The following SCN2A variants were observed in gnomAD, a reference collection of about 807,000 sequenced individuals.
SCN2A encodes sodium voltage-gated channel alpha subunit 2.
A neutral mutation model predicts 188.7 loss-of-function variants in SCN2A; 20 were observed. The observed-to-expected ratio is 0.11, with a 90% CI of 0.07 to 0.15. The LOEUF (loss-of-function observed/expected upper bound fraction) is 0.15. Ranked by LOEUF, SCN2A falls within the 10% of genes least tolerant of loss-of-function variation. The pLI is 1.00. For missense variants in SCN2A, 1,278 were observed against 2,445.0 expected (o/e 0.52, Z 10.07); for synonymous variants, 804 against 833.1 (o/e 0.97, Z 0.60).
chr2:165,278,542 C>A (rs1695444403), intron 1 of SCN2A, among the ~76,000 whole-genome samples: 1 of 152,124 alleles, frequency 6.6e-6, no homozygotes, highest in Non-Finnish European at 1.5e-5. Flanking sequence ...CCTAGTCTCT[C>A]CCTTGACACT....
chr2:165,384,098 T>G (rs909569560), intron 25 of SCN2A, among the ~76,000 whole-genome samples: 2 of 152,010 alleles, frequency 1.3e-5, no homozygotes, highest in Non-Finnish European at 2.9e-5. Context: ...CTAGGGTAGC[T>G]TTAGAAAGAA....
chr2:165,263,355 G>C (rs1171667305), intron 1 of SCN2A, among the ~76,000 whole-genome samples: 1 of 152,006 alleles, frequency 6.6e-6, no homozygotes, highest in Non-Finnish European at 1.5e-5. Context: ...GAAGTTTTAT[G>C]GCTTCAGGTC....
At chr2:165,300,604 A>C (rs1044885330) in intron 3 of SCN2A, among the ~76,000 whole-genome samples, 1 of 152,190 alleles carries the variant, frequency 6.6e-6, no homozygotes, top group Non-Finnish European at 1.5e-5. Flanking sequence ...CAAGGAGAAC[A>C]GCAAGTATGA....
intron 1 of SCN2A, chr2:165,241,130 CTGTG>C (rs1693601410): frequency 7.1e-6 from 1 of 141,430 alleles, no homozygotes; most frequent in Non-Finnish European, 1.6e-5. Flanking sequence ...ATGATATTCA[CTGTG>C]CGTGTGTGTG....
intron 1 of SCN2A, among the ~76,000 whole-genome samples, chr2:165,265,317 C>G (rs1006823896): frequency 4.7e-5 from 7 of 148,332 alleles, no homozygotes; most frequent in Non-Finnish European, 1.0e-4. Context: ...CTGTTCATGT[C>G]CATTGGCCAC....
chr2:165,264,255 A>G (rs1313544027), intron 1 of SCN2A, among the ~76,000 whole-genome samples: 3 of 152,168 alleles, frequency 2.0e-5, no homozygotes, highest in East Asian at 3.9e-4. Flanking sequence ...ATAATCCACT[A>G]TGATCAAGTG....
intron 17 of SCN2A, among the ~76,000 whole-genome samples, chr2:165,363,837 A>G (rs1559390257): frequency 6.6e-6 from 1 of 152,154 alleles, no homozygotes; most frequent in Non-Finnish European, 1.5e-5. Flanking sequence ...CAAAGCAGGC[A>G]GAAGTATCTA....
intron 1 of SCN2A, among the ~76,000 whole-genome samples, chr2:165,242,708 C>A (rs1163081549): frequency 6.6e-6 from 1 of 152,000 alleles, no homozygotes; most frequent in African/African-American, 2.4e-5. Context: ...AAAACCTAAG[C>A]CCTTTGTAGA....
At position 165,255,486 on chromosome 2, in the gene SCN2A, G is replaced by A. The variant is rs948797029; in HGVS notation, c.-52+15846G>A. 1.8e-4 allele frequency among the ~76,000 whole-genome samples: 27 copies of A among 151,782 alleles called. No homozygotes were observed. In the South Asian group the frequency reaches 5.6e-3, roughly 32 times the overall value. On this transcript the variant is annotated intron_variant, in intron 1 of 26. Transcript: ENST00000375437. ...ATTATTTTATAACCTTACTAACCAC[G>A]ATTATTAAAATATGGCTCTATGGTT... is the stretch of plus-strand genomic sequence containing the variant.
At chr2:165,340,399 G>A (rs1013345590) in intron 14 of SCN2A, among the ~76,000 whole-genome samples, 4 of 152,276 alleles carry the variant, frequency 2.6e-5, no homozygotes, top group Admixed American at 6.5e-5. Flanking sequence ...AGACTGTCAG[G>A]TCTCTGAGGT....
At chr2:165,322,844 G>A (rs1311150992) in intron 11 of SCN2A, among the ~76,000 whole-genome samples, 5 of 152,140 alleles carry the variant, frequency 3.3e-5, no homozygotes, top group Non-Finnish European at 5.9e-5. Flanking sequence ...AGTTCTAGAT[G>A]CCCGTAACAG....
intron 6 of SCN2A, among the ~76,000 whole-genome samples, chr2:165,310,122 G>T (rs1340282853): frequency 6.6e-6 from 1 of 152,060 alleles, no homozygotes; most frequent in Non-Finnish European, 1.5e-5. Flanking sequence ...GTTTTCTAAT[G>T]AACATACAAG....
chr2:165,385,729 T>C (rs535514442), intron 25 of SCN2A, among the ~76,000 whole-genome samples: 1 of 152,304 alleles, frequency 6.6e-6, no homozygotes, highest in South Asian at 2.1e-4. Flanking sequence ...TTTTAAAACA[T>C]CTTAGCTGAA....
At chr2:165,270,697 G>C (rs941697709) in intron 1 of SCN2A, 2 of 152,052 alleles carry the variant, frequency 1.3e-5, no homozygotes, top group Non-Finnish European at 2.9e-5. Flanking sequence ...GGTCCTGCTT[G>C]GGTTTGGGCC....
rs760647603 is a variant in SCN2A, at chr2:165,354,530, C to A, written c.3258C>A (p.Val1086=). Residue 1086 remains valine (V), a synonymous_variant, in exon 17 of 27, where the codon GTC becomes GTA. Transcript: ENST00000375437. ...SGIGSSVEKY[V]VDESDYMSFI... Reference sequence around the variant, plus strand: ...TAGGCAGCAGTGTAGAAAAATATGTCGTGGATGAAAGTGATTACATGTCAT... The same window carrying A: ...TAGGCAGCAGTGTAGAAAAATATGTAGTGGATGAAAGTGATTACATGTCAT... The A allele has an allele frequency of 2.5e-6, 4 of 1,613,902 alleles. No homozygotes were observed. Among genetic ancestry groups the A allele is most frequent in the Non-Finnish European group, 3.4e-6 (4 of 1,179,994 alleles).
chr2:165,365,403 A>C, intron 18 of SCN2A, 140 bp downstream of exon 18: 1 of 954,382 alleles, frequency 1.0e-6, no homozygotes, highest in Non-Finnish European at 1.6e-6. Flanking sequence ...CTATCTAGTA[A>C]TCATCTATAC....
intron 14 of SCN2A, among the ~76,000 whole-genome samples, chr2:165,336,877 T>A (rs1262310931): frequency 6.6e-6 from 1 of 152,040 alleles, no homozygotes; most frequent in Non-Finnish European, 1.5e-5. Context: ...TTTCCAGGAT[T>A]GAAGTATTCC....
intron 1 of SCN2A, chr2:165,290,718 T>C (rs1696056687): frequency 2.1e-6 from 2 of 962,742 alleles, no homozygotes; most frequent in African/African-American, 1.8e-5. Flanking sequence ...TTGACACTCA[T>C]CATAGAGATT....
rs150169520 is a variant in SCN2A, at chr2:165,243,533, C to T, written c.-52+3893C>T. Among the ~76,000 whole-genome samples the T allele has an allele frequency of 4.9e-3, 729 of 149,748 alleles. 3 individuals carry two copies. Among genetic ancestry groups the T allele is most frequent in the African/African-American group, 0.017 (697 of 40,618 alleles). On this transcript the variant is annotated intron_variant, in intron 1 of 26. Transcript: ENST00000375437. ...AGGAGAATCGCTTGAACCTGGGAGGCGGAGGTTGCAGTGAGCTGAGATTGC... is the reference window on the plus strand; with the variant it reads ...AGGAGAATCGCTTGAACCTGGGAGGTGGAGGTTGCAGTGAGCTGAGATTGC...
Sources: allele counts gnomAD v4.1 joint callset (sites outside exome capture counted in the v4.1 genomes callset), GRCh38; gene constraint gnomAD v4.1.1; transcripts MANE v1.5; gene names NCBI Gene and HGNC (gene_info 2026-07-23, HGNC 2026-07-21).